The following SOX5 variants were observed in gnomAD, a reference collection of about 807,000 sequenced individuals.
SOX5 encodes the protein SRY-box transcription factor 5.
In SOX5, 9 loss-of-function variants were observed where a neutral mutation model predicts 92.0. That is an observed-to-expected ratio of 0.10 (90% CI 0.06 to 0.17). The LOEUF (loss-of-function observed/expected upper bound fraction) is 0.17, where lower values mean the gene tolerates loss of function less well. SOX5 is among the 10% of genes least tolerant of loss of function. The pLI is 1.00. For synonymous variants in SOX5, 344 were observed against 336.3 expected (o/e 1.02, Z -0.25); for missense variants, 642 against 944.5 (o/e 0.68, Z 4.20).
chr12:24,398,434 G>C (rs919357848), intron 1 of SOX5, among the ~76,000 whole-genome samples: 1 of 152,130 alleles, frequency 6.6e-6, no homozygotes, highest in African/African-American at 2.4e-5. Flanking sequence ...AGCCCAGGAG[G>C]CTGAGGCTAC....
At chr12:23,634,128 C>T (rs1310990710) in intron 8 of SOX5, among the ~76,000 whole-genome samples, 2 of 152,026 alleles carry the variant, frequency 1.3e-5, no homozygotes, top group African/African-American at 4.8e-5. Flanking sequence ...GACCATTAGC[C>T]ATGATAGTCT....
intron 3 of SOX5, chr12:24,230,572 C>T (rs926966950): frequency 6.6e-6 from 1 of 152,080 alleles, no homozygotes; most frequent in African/African-American, 2.4e-5. Context: ...AAGTGCAACC[C>T]ACTGGAGAAA....
intron 3 of SOX5, among the ~76,000 whole-genome samples, chr12:23,827,751 G>A (rs930993214): frequency 2.6e-5 from 4 of 152,156 alleles, no homozygotes; most frequent in South Asian, 4.1e-4. Flanking sequence ...AATACTAAAT[G>A]TGATGGAAAG....
At chr12:24,161,746 A>C (rs1462176345) in intron 4 of SOX5, among the ~76,000 whole-genome samples, 2 of 152,076 alleles carry the variant, frequency 1.3e-5, no homozygotes, top group Non-Finnish European at 2.9e-5. Context: ...AGATTAACAA[A>C]GTTAATACAC....
chr12:23,580,722 A>G (rs1949924085), intron 9 of SOX5, among the ~76,000 whole-genome samples: 1 of 152,070 alleles, frequency 6.6e-6, no homozygotes, highest in African/African-American at 2.4e-5. Context: ...GGGATGTTCC[A>G]TTTACATAAT....
rs11302877 is a variant in SOX5 at position 24,076,699 on chromosome 12, C to CTTTTTTTTT, written c.-2+136635_-2+136643dup. On this transcript the variant is annotated intron_variant, in intron 4 of 4. Coordinates refer to the SOX5 transcript ENST00000446891. ...AATACTAAAAAAGATCCAAAGCTGC[C>CTTTTTTTTT]TTTTTTTTTTTTTTTTTTTTTGTAA... Among the ~76,000 whole-genome samples, 14 of 102,866 alleles carry CTTTTTTTTT rather than the reference C, an allele frequency of 1.4e-4. 1 individual carries two copies. The highest frequency in any genetic ancestry group is 2.1e-4 in the Non-Finnish European group (11 of 52,408). 67.5% of individuals were successfully genotyped at this position (102,866 alleles called of 152,430 possible). A position where few individuals can be genotyped will look rare whatever the true frequency, so the allele number is the denominator to read the frequency against.
chr12:24,556,928 C>T (rs768993552), intron 1 of SOX5, among the ~76,000 whole-genome samples: 22 of 152,058 alleles, frequency 1.4e-4, no homozygotes, highest in Non-Finnish European at 2.2e-4. Context: ...AAACTTCAAA[C>T]GTTATTAATG....
chr12:24,473,028 T>C (rs1944972861), intron 1 of SOX5, among the ~76,000 whole-genome samples: 2 of 152,122 alleles, frequency 1.3e-5, no homozygotes, highest in South Asian at 4.1e-4. Flanking sequence ...TCCCCTTTGG[T>C]TATTTGTAGT....
At chr12:24,253,356 A>T (rs1279578242) in intron 3 of SOX5, among the ~76,000 whole-genome samples, 1 of 149,798 alleles carries the variant, frequency 6.7e-6, no homozygotes, top group Non-Finnish European at 1.5e-5. Context: ...TTGATTATTG[A>T]TACTAACATA....
intron 4 of SOX5, among the ~76,000 whole-genome samples, chr12:24,076,587 A>G (rs373773829): frequency 5.3e-5 from 8 of 152,314 alleles, no homozygotes; most frequent in African/African-American, 1.4e-4. Context: ...AAACATGCAG[A>G]ATCTTTTTCC....
intron 2 of SOX5, among the ~76,000 whole-genome samples, chr12:23,850,149 G>A (rs2096615654): frequency 6.6e-6 from 1 of 152,074 alleles, no homozygotes; most frequent in African/African-American, 2.4e-5. Context: ...TCACCAGGAT[G>A]GCTGGGCATT....
intron 3 of SOX5, among the ~76,000 whole-genome samples, chr12:23,813,160 T>G (rs1183080004): frequency 6.6e-6 from 1 of 152,220 alleles, no homozygotes; most frequent in Non-Finnish European, 1.5e-5. Flanking sequence ...TTCTGCCTAA[T>G]GATAGATTCT....
chr12:23,988,987 A>T (rs1950306908), intron 4 of SOX5, among the ~76,000 whole-genome samples: 1 of 152,168 alleles, frequency 6.6e-6, no homozygotes, highest in Non-Finnish European at 1.5e-5. Flanking sequence ...TTAAAGGAAT[A>T]GAAGATTGTA....
At chr12:24,327,828 G>A (rs866854342) in intron 2 of SOX5, among the ~76,000 whole-genome samples, 32 of 151,788 alleles carry the variant, frequency 2.1e-4, no homozygotes, top group Middle Eastern at 6.8e-3. Flanking sequence ...TCCTGACCTC[G>A]TGATCCGCCC....
At chr12:23,929,098 C>T (rs959881162) in intron 1 of SOX5, among the ~76,000 whole-genome samples, 1 of 151,580 alleles carries the variant, frequency 6.6e-6, no homozygotes, top group African/African-American at 2.4e-5. Context: ...GTATTACAAA[C>T]ATATGTATAA....
chr12:24,376,690 C>CTTTTTTTTTT (rs1164391418), intron 1 of SOX5, among the ~76,000 whole-genome samples: 3 of 70,616 alleles, frequency 4.2e-5, no homozygotes, highest in Non-Finnish European at 7.7e-5. Context: ...GGAGAGATAC[C>CTTTTTTTTTT]TTTTTTTTTT....
At position 24,529,071 on chromosome 12, in the gene SOX5, A is replaced by G. The variant is rs368691170; in HGVS notation, c.-251+33258T>C. On this transcript the variant is annotated intron_variant, in intron 1 of 4. Transcript: ENST00000446891. ...AAAGAAAGAAAGTGAAAGAGAAAAG[A>G]AATGAAGTAACTAGCCTAAGGTCAG... Among the ~76,000 whole-genome samples, 16 of 152,358 alleles carry G rather than the reference A, an allele frequency of 1.1e-4. No homozygotes were observed. In the East Asian group the frequency reaches 1.9e-3, roughly 18 times the overall value.
chr12:23,928,566 AT>A (rs2139111162), intron 1 of SOX5, among the ~76,000 whole-genome samples: 1 of 151,960 alleles, frequency 6.6e-6, no homozygotes, highest in East Asian at 1.9e-4. Context: ...AAATTTATTT[AT>A]TTTTAAACAA....
At chr12:23,647,311 T>G (rs948156742) in intron 7 of SOX5, among the ~76,000 whole-genome samples, 1 of 152,242 alleles carries the variant, frequency 6.6e-6, no homozygotes, top group Admixed American at 6.5e-5. Flanking sequence ...AATCACGCTG[T>G]CAATAGATGT....
Sources: gnomAD v4.1 joint callset for allele counts (sites outside exome capture counted in the v4.1 genomes callset) on GRCh38, gnomAD v4.1.1 for gene constraint, MANE v1.5 for transcripts, NCBI Gene and HGNC (gene_info 2026-07-23, HGNC 2026-07-21) for gene names.